DAB1: variants seen among roughly 807,000 people sequenced by gnomAD.
The protein encoded by DAB1 is disabled homolog 1.
Under a neutral mutation model 64.6 loss-of-function variants are expected in DAB1, and 15 were observed. That is an observed-to-expected ratio of 0.23 (90% CI 0.16 to 0.36). The LOEUF (loss-of-function observed/expected upper bound fraction) is 0.36. Ranked by LOEUF, DAB1 falls within the 10% of genes least tolerant of loss-of-function variation. DAB1 has a pLI of 1.00. For synonymous variants in DAB1, 235 were observed against 251.9 expected, an observed-to-expected ratio of 0.93 and a Z score of 0.64; for missense variants, 596 against 706.7, an observed-to-expected ratio of 0.84 and a Z score of 1.78.
At chr1:57,575,037 A>T (rs1645234785) in intron 7 of DAB1, among the ~76,000 whole-genome samples, 1 of 152,230 alleles carries the variant, frequency 6.6e-6, no homozygotes, top group Non-Finnish European at 1.5e-5. Context: ...ACATAAATGG[A>T]TGAAACTGCT....
intron 2 of DAB1, among the ~76,000 whole-genome samples, chr1:57,199,625 G>A (rs1208052206): frequency 2.6e-5 from 4 of 152,198 alleles, no homozygotes; most frequent in African/African-American, 9.7e-5. Flanking sequence ...ATCATCTGCA[G>A]GGAAATGAAG....
intron 5 of DAB1, among the ~76,000 whole-genome samples, chr1:58,133,400 G>A (rs1653757662): frequency 6.6e-6 from 1 of 152,120 alleles, no homozygotes; most frequent in Non-Finnish European, 1.5e-5. Flanking sequence ...GTCTGGTTTG[G>A]ATGCCCCTCC....
At chr1:57,915,217 C>T (rs1356017278) in intron 5 of DAB1, among the ~76,000 whole-genome samples, 4 of 151,042 alleles carry the variant, frequency 2.6e-5, no homozygotes, top group Non-Finnish European at 5.9e-5. Flanking sequence ...AATGGAATGG[C>T]AAAACTATTA....
chr1:57,159,936 T>G (rs1419687335), intron 2 of DAB1, among the ~76,000 whole-genome samples: 4 of 151,854 alleles, frequency 2.6e-5, no homozygotes, highest in African/African-American at 9.7e-5. Context: ...TTGCTGAGTC[T>G]TTCTGACGTC....
intron 6 of DAB1, among the ~76,000 whole-genome samples, chr1:57,795,814 C>T (rs1015304103): frequency 4.1e-5 from 6 of 147,526 alleles, no homozygotes; most frequent in Non-Finnish European, 7.4e-5. Flanking sequence ...AAGTCCAATC[C>T]TTTCAATCAC....
chr1:57,253,255 T>C (rs1348855253), intron 2 of DAB1, among the ~76,000 whole-genome samples: 2 of 152,110 alleles, frequency 1.3e-5, no homozygotes, highest in Non-Finnish European at 2.9e-5. Flanking sequence ...TCATCCCCAT[T>C]ACCGGCTGAG....
chr1:57,180,614 A>AAAAT (rs765491178), intron 2 of DAB1, among the ~76,000 whole-genome samples: 1 of 152,126 alleles, frequency 6.6e-6, no homozygotes, highest in Non-Finnish European at 1.5e-5. Flanking sequence ...TAACAATGAC[A>AAAAT]AAATATGTTA....
chr1:58,037,348 T>G (rs1272238176), intron 5 of DAB1, among the ~76,000 whole-genome samples: 1 of 152,254 alleles, frequency 6.6e-6, no homozygotes, highest in African/African-American at 2.4e-5. Context: ...CCTCCAGATC[T>G]TCCCTTACGG....
intron 1 of DAB1, among the ~76,000 whole-genome samples, chr1:57,847,162 G>C (rs17116359): frequency 0.031 from 4,694 of 152,210 alleles, 230 homozygotes; most frequent in African/African-American, 0.11. Context: ...TCCATGCTCA[G>C]TGGCCTGGCT....
intron 5 of DAB1, among the ~76,000 whole-genome samples, chr1:58,065,919 T>A (rs1648827568): frequency 6.6e-6 from 1 of 152,180 alleles, no homozygotes; most frequent in Admixed American, 6.5e-5. Flanking sequence ...GATCTGACCT[T>A]GGGCAAGGCA....
chr1:57,598,905 C>T (rs1645543392), intron 7 of DAB1, among the ~76,000 whole-genome samples: 1 of 152,162 alleles, frequency 6.6e-6, no homozygotes, highest in Non-Finnish European at 1.5e-5. Context: ...TCTTGCTGAG[C>T]ATTTCATGAG....
At chr1:58,104,609 C>T (rs1034619519) in intron 5 of DAB1, among the ~76,000 whole-genome samples, 2 of 152,180 alleles carry the variant, frequency 1.3e-5, no homozygotes, top group African/African-American at 4.8e-5. Context: ...TCAGCTAAAC[C>T]CCCATTTCCC....
chr1:57,523,322 G>T (rs1381428376), intron 7 of DAB1, among the ~76,000 whole-genome samples: 3 of 152,122 alleles, frequency 2.0e-5, no homozygotes, highest in Non-Finnish European at 2.9e-5. Flanking sequence ...AGGGAGAAAA[G>T]GATATTACAT....
At chr1:57,580,193 T>A (rs564443239) in intron 7 of DAB1, among the ~76,000 whole-genome samples, 2 of 152,238 alleles carry the variant, frequency 1.3e-5, no homozygotes, top group Admixed American at 1.3e-4. Context: ...GCAGACTTCA[T>A]CGGCTTCTCA....
At chr1:57,230,243 T>C (rs1667564164) in intron 2 of DAB1, among the ~76,000 whole-genome samples, 1 of 152,000 alleles carries the variant, frequency 6.6e-6, no homozygotes, top group Non-Finnish European at 1.5e-5. Flanking sequence ...GCTTTAACCA[T>C]TTGTTTTGCT....
At chr1:58,373,248 T>C (rs948091152) in intron 3 of DAB1, among the ~76,000 whole-genome samples, 1 of 149,740 alleles carries the variant, frequency 6.7e-6, no homozygotes, top group East Asian at 1.9e-4. Context: ...TGTATACATG[T>C]GCCATGCTGG....
chr1:57,844,206 T>C (rs1653177565), intron 1 of DAB1, among the ~76,000 whole-genome samples: 1 of 152,246 alleles, frequency 6.6e-6, no homozygotes, highest in Admixed American at 6.5e-5. Flanking sequence ...TTCATACTTT[T>C]ATGTTATTTC....
intron 7 of DAB1, among the ~76,000 whole-genome samples, chr1:57,438,116 AT>A (rs1445109076): frequency 6.6e-6 from 1 of 152,122 alleles, no homozygotes; most frequent in Non-Finnish European, 1.5e-5. Context: ...TGAATTTCTT[AT>A]TTAGAATTAA....
At chr1:57,120,366 A>C (rs948864115) in intron 4 of DAB1, among the ~76,000 whole-genome samples, 1 of 152,202 alleles carries the variant, frequency 6.6e-6, no homozygotes, top group Non-Finnish European at 1.5e-5. Context: ...CACACCGGTG[A>C]AACCACTGCT....
Sources: allele counts gnomAD v4.1 joint callset (sites outside exome capture counted in the v4.1 genomes callset), GRCh38; gene constraint gnomAD v4.1.1; transcripts MANE v1.5; gene names NCBI Gene and HGNC (gene_info 2026-07-23, HGNC 2026-07-21).